Variants in RBPMS observed in about 807,000 individuals in gnomAD.
The protein encoded by RBPMS is RNA-binding protein with multiple splicing.
In RBPMS, 7 loss-of-function variants were observed where a neutral mutation model predicts 26.8. The ratio of observed to expected loss-of-function variants is 0.26; its 90% CI spans 0.15 to 0.49. The LOEUF (loss-of-function observed/expected upper bound fraction) is 0.49. Ranked by LOEUF, RBPMS falls within the 20% of genes least tolerant of loss-of-function variation. The pLI is 0.98. For synonymous variants in RBPMS, 96 were observed against 93.3 expected (o/e 1.03, Z -0.17); for missense variants, 186 against 250.0 (o/e 0.74, Z 1.73).
chr8:30,547,463 A>G (rs529362136), intron 6 of RBPMS: 4 of 1,574,770 alleles, frequency 2.5e-6, no homozygotes, highest in Admixed American at 4.1e-5. Flanking sequence ...CACAAAAACT[A>G]TTTCTTGACG....
At chr8:30,472,686 G>C (rs762378451) in intron 1 of RBPMS, among the ~76,000 whole-genome samples, 1 of 152,182 alleles carries the variant, frequency 6.6e-6, no homozygotes, top group African/African-American at 2.4e-5. Flanking sequence ...ACATGCAAAT[G>C]GCATGACATT....
At chr8:30,514,478 T>C (rs1424255120) in intron 5 of RBPMS, among the ~76,000 whole-genome samples, 1 of 152,016 alleles carries the variant, frequency 6.6e-6, no homozygotes, top group African/African-American at 2.4e-5. Context: ...AAGGCAAAAA[T>C]TAGAATTTTT....
At chr8:30,427,111 G>T (rs962673319) in intron 1 of RBPMS, among the ~76,000 whole-genome samples, 1 of 152,090 alleles carries the variant, frequency 6.6e-6, no homozygotes. Context: ...TCTGTGTGCC[G>T]TCCTCAGCCT....
chr8:30,415,599 G>T (rs144556663), intron 1 of RBPMS, among the ~76,000 whole-genome samples: 173 of 152,234 alleles, frequency 1.1e-3, no homozygotes, highest in African/African-American at 3.9e-3. Flanking sequence ...CAGATATCAG[G>T]TTCTGGGAGG....
chr8:30,527,677 AGT>A (rs1823738542), intron 5 of RBPMS, among the ~76,000 whole-genome samples: 1 of 152,084 alleles, frequency 6.6e-6, no homozygotes, highest in African/African-American at 2.4e-5. Flanking sequence ...GCCTCAGCAC[AGT>A]GTGAGAAAAG....
chr8:30,394,045 G>A (rs1478244008), intron 1 of RBPMS, among the ~76,000 whole-genome samples: 1 of 48,760 alleles, frequency 2.1e-5, no homozygotes, highest in Non-Finnish European at 4.1e-5. Context: ...CGAGAAGATG[G>A]ATTCACATTC....
In RBPMS at chr8:30,518,687, C is replaced by CTTTTTTTTTTTTTTTTTTTTTTTTT. The variant is rs58763494; in HGVS notation, c.397+14255_397+14279dup. On this transcript the variant is annotated intron_variant, in intron 5 of 8. Coordinates refer to ENST00000397323, the MANE Select transcript of RBPMS (RefSeq NM_001008710.3). ...CAGTGATCCGCCCGGCCAAGCATGA[C>CTTTTTTTTTTTTTTTTTTTTTTTTT]TTTTTTTTTTTTTTTTTTTTTTTTT... Among the ~76,000 whole-genome samples the CTTTTTTTTTTTTTTTTTTTTTTTTT allele has an allele frequency of 2.7e-4, 5 of 18,244 alleles. 2 individuals are homozygous for CTTTTTTTTTTTTTTTTTTTTTTTTT. The highest frequency in any genetic ancestry group is 2.0e-4 in the Non-Finnish European group (2 of 10,242). 12.0% of individuals were successfully genotyped at this position (18,244 alleles called of 152,430 possible). A position where few individuals can be genotyped will look rare whatever the true frequency, so the allele number is the denominator to read the frequency against.
chr8:30,474,378 C>A (rs1817465404), intron 1 of RBPMS, among the ~76,000 whole-genome samples: 1 of 152,100 alleles, frequency 6.6e-6, no homozygotes, highest in African/African-American at 2.4e-5. Context: ...GTGCTCATGT[C>A]ATTTTTTTCT....
At chr8:30,494,536 C>G (rs1186978611) in intron 4 of RBPMS, among the ~76,000 whole-genome samples, 1 of 152,196 alleles carries the variant, frequency 6.6e-6, no homozygotes, top group Non-Finnish European at 1.5e-5. Flanking sequence ...AAAGGTTAAA[C>G]AGTATATCCA....
At chr8:30,421,160 T>C (rs1054954285) in intron 1 of RBPMS, among the ~76,000 whole-genome samples, 9 of 151,346 alleles carry the variant, frequency 5.9e-5, no homozygotes, top group African/African-American at 1.7e-4. Flanking sequence ...GGTGTGTGTG[T>C]GTGTGAGAGA....
At chr8:30,539,821 T>A (rs527419160) in intron 5 of RBPMS, among the ~76,000 whole-genome samples, 2 of 152,206 alleles carry the variant, frequency 1.3e-5, no homozygotes, top group East Asian at 3.9e-4. Flanking sequence ...AGATGGAGTT[T>A]TCCCATGTTG....
chr8:30,529,822 C>G (rs1268965993), intron 5 of RBPMS, among the ~76,000 whole-genome samples: 1 of 150,430 alleles, frequency 6.6e-6, no homozygotes, highest in Non-Finnish European at 1.5e-5. Context: ...GGCATGATCT[C>G]GGCTCACCGC....
chr8:30,438,977 A>G (rs758545989), intron 1 of RBPMS, among the ~76,000 whole-genome samples: 4 of 152,150 alleles, frequency 2.6e-5, no homozygotes, highest in Non-Finnish European at 4.4e-5. Context: ...GGGTTTCACC[A>G]TGCTGTCCAG....
At chr8:30,557,995 G>C (rs1827107563) in intron 6 of RBPMS, among the ~76,000 whole-genome samples, 1 of 152,204 alleles carries the variant, frequency 6.6e-6, no homozygotes, top group African/African-American at 2.4e-5. Context: ...CTCCCAAGCA[G>C]CTGGGATTAC....
chr8:30,429,971 G>A (rs1309831914), intron 1 of RBPMS, among the ~76,000 whole-genome samples: 2 of 152,140 alleles, frequency 1.3e-5, no homozygotes, highest in African/African-American at 4.8e-5. Context: ...ACAGAAACTT[G>A]GCAAATTTGA....
intron 5 of RBPMS, among the ~76,000 whole-genome samples, chr8:30,513,647 A>G (rs1174223816): frequency 6.6e-6 from 1 of 151,196 alleles, no homozygotes. Flanking sequence ...GATATCACAT[A>G]TTTCTATTGT....
At chr8:30,411,498 C>G (rs529184571) in intron 1 of RBPMS, among the ~76,000 whole-genome samples, 1 of 151,750 alleles carries the variant, frequency 6.6e-6, no homozygotes, top group East Asian at 2.0e-4. Context: ...AAACCCATCT[C>G]TACAAAAAAT....
chr8:30,555,426 C>T (rs772453368), intron 6 of RBPMS, among the ~76,000 whole-genome samples: 9 of 152,268 alleles, frequency 5.9e-5, no homozygotes, highest in Non-Finnish European at 8.8e-5. Flanking sequence ...AAGTGCTTAG[C>T]GCGGTCTCTG....
intron 5 of RBPMS, among the ~76,000 whole-genome samples, chr8:30,531,670 C>T (rs989745824): frequency 9.8e-5 from 15 of 152,298 alleles, no homozygotes; most frequent in African/African-American, 2.9e-4. Context: ...TAGCATTTGC[C>T]AAGTTTTCAC....
Sources: gnomAD v4.1 joint callset for allele counts (sites outside exome capture counted in the v4.1 genomes callset) on GRCh38, gnomAD v4.1.1 for gene constraint, MANE v1.5 for transcripts, NCBI Gene and HGNC (gene_info 2026-07-23, HGNC 2026-07-21) for gene names.